RNLS: variants seen among roughly 807,000 people sequenced by gnomAD.
RNLS encodes renalase.
Under a neutral mutation model 39.8 loss-of-function variants are expected in RNLS, and 39 were observed. The ratio of observed to expected loss-of-function variants is 0.98; its 90% CI spans 0.76 to 1.28. RNLS has a LOEUF of 1.28. Among genes scored for constraint, RNLS ranks in the 50% most tolerant of loss-of-function variants. RNLS has a pLI of 0.00. For missense variants in RNLS, 410 were observed against 413.3 expected (o/e 0.99, Z 0.07); for synonymous variants, 147 against 150.7 (o/e 0.98, Z 0.18).
At chr10:88,517,728 A>C (rs1347029695) in intron 4 of RNLS, among the ~76,000 whole-genome samples, 1 of 151,886 alleles carries the variant, frequency 6.6e-6, no homozygotes, top group Non-Finnish European at 1.5e-5. Context: ...TGAAGGCCTA[A>C]ATTACTTATA....
chr10:88,436,422 C>T (rs1288702756), intron 4 of RNLS, among the ~76,000 whole-genome samples: 1 of 152,172 alleles, frequency 6.6e-6, no homozygotes, highest in Non-Finnish European at 1.5e-5. Flanking sequence ...AAACCAAATT[C>T]TAGCCCCCTG....
At chr10:88,579,729 T>A (rs1938548981) in intron 3 of RNLS, among the ~76,000 whole-genome samples, 2 of 152,148 alleles carry the variant, frequency 1.3e-5, no homozygotes, top group African/African-American at 4.8e-5. Flanking sequence ...CTACAAAACG[T>A]CCAATAGTGT....
At chr10:88,340,662 T>TAAAAG (rs1199193031) in intron 5 of RNLS, among the ~76,000 whole-genome samples, 1 of 151,970 alleles carries the variant, frequency 6.6e-6, no homozygotes, top group Non-Finnish European at 1.5e-5. Flanking sequence ...TTTGTAGAAA[T>TAAAAG]AAAAGAAAAA....
chr10:88,455,195 C>G (rs1323708316), intron 4 of RNLS, among the ~76,000 whole-genome samples: 3 of 151,778 alleles, frequency 2.0e-5, no homozygotes, highest in Non-Finnish European at 1.5e-5. Context: ...GAAGGTATAA[C>G]CAGGATGGCT....
At chr10:88,282,160 A>G (rs1173833655), downstream of RNLS, among the ~76,000 whole-genome samples, 1 of 152,166 alleles carries the variant, frequency 6.6e-6, no homozygotes, top group Non-Finnish European at 1.5e-5. Context: ...ACTTTATCCC[A>G]TATTAGACTC....
intron 4 of RNLS, among the ~76,000 whole-genome samples, chr10:88,512,532 A>G (rs1846187340): frequency 6.6e-6 from 1 of 152,144 alleles, no homozygotes; most frequent in African/African-American, 2.4e-5. Context: ...ATGCCTGCCT[A>G]TCCTTCACCA....
In RNLS at chr10:88,285,147, G is replaced by A. The variant is rs1199693042; in HGVS notation, c.*207C>T. ...ATAGCAATTCAGAAAAGTAGGGAAG[G>A]TGCAAGGTGTGAGGAATTTCCATTC... On this transcript the variant is annotated 3_prime_UTR_variant, in exon 7 of 7. Coordinates refer to ENST00000331772, the MANE Select transcript of RNLS (RefSeq NM_001031709.3). 1.6e-6 allele frequency: 2 copies of A among 1,227,082 alleles called. No individual in the cohort carries two copies. The highest frequency in any genetic ancestry group is 2.0e-6 in the Non-Finnish European group (2 of 981,848). The allele number at this position is 1,227,082 out of a possible 1,614,324, so 76.0% of individuals were successfully genotyped here. A position where few individuals can be genotyped will look rare whatever the true frequency, so the allele number is the denominator to read the frequency against.
At chr10:88,391,408 A>G (rs183470846) in intron 4 of RNLS, among the ~76,000 whole-genome samples, 164 of 152,216 alleles carry the variant, frequency 1.1e-3, no homozygotes, top group African/African-American at 3.9e-3. Context: ...AAATACAAAA[A>G]TTAGCCGGGC....
downstream of RNLS, among the ~76,000 whole-genome samples, chr10:88,273,017 C>G (rs902477040): frequency 1.3e-5 from 2 of 152,178 alleles, no homozygotes; most frequent in Non-Finnish European, 2.9e-5. Context: ...GTGGCCCAGC[C>G]AGGGTTGGGA....
the RNLS span, among the ~76,000 whole-genome samples, chr10:88,172,202 G>A: frequency 6.6e-6 from 1 of 152,172 alleles, no homozygotes; most frequent in African/African-American, 2.4e-5. Flanking sequence ...TAGTGGAATT[G>A]TTGAATGATA....
intron 5 of RNLS, among the ~76,000 whole-genome samples, chr10:88,338,114 C>T (rs1847642921): frequency 6.6e-6 from 1 of 152,190 alleles, no homozygotes; most frequent in Non-Finnish European, 1.5e-5. Flanking sequence ...GTCTAAAAAT[C>T]AGTTGGCAGT....
chr10:88,308,056 G>A (rs1207320891), intron 6 of RNLS, among the ~76,000 whole-genome samples: 1 of 152,140 alleles, frequency 6.6e-6, no homozygotes, highest in Non-Finnish European at 1.5e-5. Flanking sequence ...AAATGATGCT[G>A]GGATAACTGG....
intron 3 of RNLS, among the ~76,000 whole-genome samples, chr10:88,579,371 A>G (rs1850394911): frequency 6.6e-6 from 1 of 152,136 alleles, no homozygotes; most frequent in East Asian, 1.9e-4. Context: ...GGGGAAAGCT[A>G]GAGTGATAGT....
intron 4 of RNLS, among the ~76,000 whole-genome samples, chr10:88,498,351 T>C (rs1845288298): frequency 6.6e-6 from 1 of 151,696 alleles, no homozygotes; most frequent in South Asian, 2.1e-4. Context: ...GGATTAAAAC[T>C]TTCTGGTATT....
At chr10:88,396,132 T>C (rs947038835) in intron 4 of RNLS, among the ~76,000 whole-genome samples, 2 of 152,012 alleles carry the variant, frequency 1.3e-5, no homozygotes, top group Non-Finnish European at 2.9e-5. Context: ...TAGACTATAA[T>C]TTGAATCCAT....
intron 4 of RNLS, among the ~76,000 whole-genome samples, chr10:88,552,385 C>T (rs933762582): frequency 2.6e-5 from 4 of 152,178 alleles, no homozygotes; most frequent in Admixed American, 2.6e-4. Context: ...AGGATGGAAG[C>T]CCAGACTCTG....
At chr10:88,398,052 T>A (rs1006577578) in intron 4 of RNLS, among the ~76,000 whole-genome samples, 1 of 151,976 alleles carries the variant, frequency 6.6e-6, no homozygotes, top group Non-Finnish European at 1.5e-5. Context: ...TGAAGCCATG[T>A]TTTCGTACAT....
intron 5 of RNLS, among the ~76,000 whole-genome samples, chr10:88,349,133 G>A (rs913940903): frequency 1.1e-4 from 16 of 152,124 alleles, no homozygotes; most frequent in African/African-American, 3.9e-4. Flanking sequence ...ATTGAATGAG[G>A]ATGAAAGACA....
chr10:88,391,956 C>T (rs761154426), intron 4 of RNLS, among the ~76,000 whole-genome samples: 2 of 152,222 alleles, frequency 1.3e-5, no homozygotes, highest in Non-Finnish European at 2.9e-5. Flanking sequence ...TGGCAGCCCC[C>T]GGAGGGGATA....
Sources: gnomAD v4.1 joint callset for allele counts (sites outside exome capture counted in the v4.1 genomes callset) on GRCh38, gnomAD v4.1.1 for gene constraint, MANE v1.5 for transcripts, NCBI Gene and HGNC (gene_info 2026-07-23, HGNC 2026-07-21) for gene names.